Variants in FOXL2NB observed in about 807,000 individuals in gnomAD.
FOXL2NB encodes the protein FOXL2 neighbor.
Under a neutral mutation model 7.4 loss-of-function variants are expected in FOXL2NB, and 10 were observed. The observed-to-expected ratio is 1.34, with a 90% CI of 0.83 to 2.28. The LOEUF is 2.28. Among genes scored for constraint, FOXL2NB ranks in the 30% most tolerant of loss-of-function variants. The probability of loss-of-function intolerance (pLI) is 0.00; values close to 1 mark genes in which losing one functional copy is unlikely to be tolerated. For missense variants in FOXL2NB, 228 were observed against 233.9 expected, an observed-to-expected ratio of 0.97 and a Z score of 0.17; for synonymous variants, 104 against 105.3, an observed-to-expected ratio of 0.99 and a Z score of 0.08.
In FOXL2NB at chr3:138,952,676, G is replaced by A. The variant is rs1270990110; in HGVS notation, c.*2104G>A. 2 of 136,828 alleles carry A rather than the reference G, an allele frequency of 1.5e-5. No homozygotes were observed. The highest frequency in any genetic ancestry group is 3.3e-5 in the African/African-American group (1 of 30,390). 8.5% of individuals were successfully genotyped at this position (136,828 alleles called of 1,614,324 possible). A position where few individuals can be genotyped will look rare whatever the true frequency, so the allele number is the denominator to read the frequency against. On this transcript the variant is annotated 3_prime_UTR_variant, in exon 3 of 3. Transcript: ENST00000383165. ...CTATGGGTGTGAGCCAACACACTCAGCTAATTTTTTTTTTTTTTTTTTGGT... is the reference window on the plus strand; with the variant it reads ...CTATGGGTGTGAGCCAACACACTCAACTAATTTTTTTTTTTTTTTTTTGGT...
intron 2 of FOXL2NB, 176 bp from the exon 3 acceptor site, chr3:138,950,089 C>T: frequency 1.3e-6 from 1 of 750,394 alleles, no homozygotes; most frequent in Non-Finnish European, 2.3e-6. Context: ...CAGCCACCGG[C>T]GCCTCCTGAC....
Position 138,949,416 on chromosome 3 carries a change from G to C in FOXL2NB, c.101-104G>C. The C allele has an allele frequency of 8.0e-7, 1 of 1,246,510 alleles. No homozygotes were observed. Among genetic ancestry groups the C allele is most frequent in the Non-Finnish European group, 1.1e-6 (1 of 884,668 alleles). The allele number at this position is 1,246,510 out of a possible 1,614,324, so 77.2% of individuals were successfully genotyped here. A position where few individuals can be genotyped will look rare whatever the true frequency, so the allele number is the denominator to read the frequency against. On this transcript the variant is annotated intron_variant, in intron 1 of 2. Transcript: ENST00000383165. This position sits in a 1 kb window ranked among gnomAD's most constrained non-coding sequence, Gnocchi z 4.5. ...CGTGTGTGTGTGTGTGTGTGTGTGTGTAGGGGTTGGGGGCAAATGAAGGAG... is the reference window on the plus strand; with the variant it reads ...CGTGTGTGTGTGTGTGTGTGTGTGTCTAGGGGTTGGGGGCAAATGAAGGAG...
In FOXL2NB at chr3:138,950,519, G is replaced by C. The variant is rs1350108441; in HGVS notation, c.475G>C (p.Gly159Arg). The C allele has an allele frequency of 1.9e-6, 3 of 1,614,194 alleles. No homozygotes were observed. The African/African-American group carries it at 4.0e-5, about 22-fold the overall frequency. ...GCTTGCTGCAACCCTCTGCTTGGAG[G>C]GATGGCCTCTGCGGTGCTTGGCTAG... ...IELAATLCLE[G>R]WPLRCLASKG... The change falls in exon 3 of 3, where the codon GGA (glycine) becomes CGA (arginine). Residue 159 changes from glycine to arginine, a missense_variant. By Grantham distance (125) the Gly-to-Arg change is moderately radical (BLOSUM62 -2). Coordinates refer to ENST00000383165, the MANE Select transcript of FOXL2NB (RefSeq NM_001040061.3).
chr3:138,949,987 C>T lies in FOXL2NB; in HGVS notation c.221-278C>T, dbSNP rs747809097. 1.7e-5 allele frequency: 12 copies of T among 698,436 alleles called. No homozygotes were observed. Among genetic ancestry groups the T allele is most frequent in the Non-Finnish European group, 2.3e-5 (9 of 383,930 alleles). The allele number at this position is 698,436 out of a possible 1,614,324, so 43.3% of individuals were successfully genotyped here. On this transcript the variant is annotated intron_variant, in intron 2 of 2. Coordinates refer to ENST00000383165, the MANE Select transcript of FOXL2NB (RefSeq NM_001040061.3). The surrounding 1 kb of genome is among the most constrained non-coding windows in gnomAD (Gnocchi z 4.5). ...GGCCCCCGGCTTAGTGACCTTGGGG[C>T]GGCGCTCACCTCCAAAGGCCAGGGT... is the stretch of plus-strand genomic sequence containing the variant.
chr3:138,949,429 G>A lies in FOXL2NB; in HGVS notation c.101-91G>A. 1 of 1,434,510 alleles carries A rather than the reference G, an allele frequency of 7.0e-7. No homozygotes were observed. Among genetic ancestry groups the A allele is most frequent in the Non-Finnish European group, 9.5e-7 (1 of 1,051,570 alleles). The allele number at this position is 1,434,510 out of a possible 1,614,324, so 88.9% of individuals were successfully genotyped here. ...GTGTGTGTGTGTGTAGGGGTTGGGG[G>A]CAAATGAAGGAGTTCCTCTGAAGGA... On this transcript the variant is annotated intron_variant, in intron 1 of 2. Transcript: ENST00000383165. The surrounding 1 kb of genome is among the most constrained non-coding windows in gnomAD (Gnocchi z 4.5).
At position 138,953,521 on chromosome 3, in the gene FOXL2NB, C is replaced by A. The variant is rs1936173976; in HGVS notation, c.*2949C>A. Reference sequence around the variant, plus strand: ...TGTATATATATCACATTTTCTTTATCCACTCATTGGTTGATGGGCATTTAG... The same window carrying A: ...TGTATATATATCACATTTTCTTTATACACTCATTGGTTGATGGGCATTTAG... On this transcript the variant is annotated 3_prime_UTR_variant, in exon 3 of 3. Coordinates refer to ENST00000383165, the MANE Select transcript of FOXL2NB (RefSeq NM_001040061.3). 3 of 152,144 alleles carry A rather than the reference C, an allele frequency of 2.0e-5. No individual in the cohort carries two copies. The allele number at this position is 152,144 out of a possible 1,614,324, so 9.4% of individuals were successfully genotyped here.
chr3:138,949,774 C>A lies in FOXL2NB; in HGVS notation c.220+135C>A. 7.4e-7 allele frequency: 1 copy of A among 1,351,102 alleles called. No individual in the cohort carries two copies. Among genetic ancestry groups the A allele is most frequent in the Non-Finnish European group, 1.0e-6 (1 of 963,624 alleles). The allele number at this position is 1,351,102 out of a possible 1,614,324, so 83.7% of individuals were successfully genotyped here. ...AGAACAGAATCCTCTCCTTGCCGGC[C>A]CAGCCAGAGGTGGGTGAACCGGGCG... On this transcript the variant is annotated intron_variant, in intron 2 of 2. Coordinates refer to ENST00000383165, the MANE Select transcript of FOXL2NB (RefSeq NM_001040061.3). This position sits in a 1 kb window ranked among gnomAD's most constrained non-coding sequence, Gnocchi z 4.5.
intron 2 of FOXL2NB, 180 bp from the exon 3 acceptor site, chr3:138,950,085 C>G (rs764030256): frequency 4.0e-6 from 3 of 746,392 alleles, no homozygotes; most frequent in South Asian, 1.5e-5. Flanking sequence ...TCAGCAGCCA[C>G]CGGCGCCTCC....
At chr3:138,948,755 A>T (rs1446088099) in intron 1 of FOXL2NB, among the ~76,000 whole-genome samples, 1 of 152,026 alleles carries the variant, frequency 6.6e-6, no homozygotes, top group Non-Finnish European at 1.5e-5. Context: ...TCTGCTGCTC[A>T]CTCAGGCCTC....
rs768195932 is a variant in FOXL2NB, at chr3:138,949,650, GC to G, written c.220+12del. 6.2e-7 allele frequency: 1 copy of G among 1,614,130 alleles called. No homozygotes were observed. Among genetic ancestry groups the G allele is most frequent in the Non-Finnish European group, 8.5e-7 (1 of 1,180,018 alleles). ...AGGCTCAGAAAACAGGCAAGAAAAT[GC>G]GGGCGGGAAAGCTGGCAGAATGATT... On this transcript the variant is annotated intron_variant, in intron 2 of 2. Coordinates refer to ENST00000383165, the MANE Select transcript of FOXL2NB (RefSeq NM_001040061.3). The surrounding 1 kb of genome is among the most constrained non-coding windows in gnomAD (Gnocchi z 4.5).
In FOXL2NB at chr3:138,947,683, G is replaced by A; in HGVS notation, c.100+219G>A. The A allele has an allele frequency of 1.1e-5, 14 of 1,332,372 alleles. No homozygotes were observed. The highest frequency in any genetic ancestry group is 1.3e-5 in the Non-Finnish European group (14 of 1,044,898). The allele number at this position is 1,332,372 out of a possible 1,614,324, so 82.5% of individuals were successfully genotyped here. On this transcript the variant is annotated intron_variant, in intron 1 of 2. Transcript: ENST00000383165. The surrounding 1 kb of genome is among the most constrained non-coding windows in gnomAD (Gnocchi z 5.2). ...TCGCGCTCTCAGAGTGACTGGGCTG[G>A]AATGGGGCAGGGGAGAGGATCTCTG...
Position 138,947,611 on chromosome 3 carries a change from C to G in FOXL2NB, c.100+147C>G. On this transcript the variant is annotated intron_variant, in intron 1 of 2. Transcript: ENST00000383165. This position sits in a 1 kb window ranked among gnomAD's most constrained non-coding sequence, Gnocchi z 5.2. ...CTCTGAGGCTTTGGGAAAGTCAGCC[C>G]AGAAACGGGTGTGACTGTACGAAGA... The G allele has an allele frequency of 2.1e-6, 3 of 1,415,412 alleles. No homozygotes were observed. The highest frequency in any genetic ancestry group is 2.8e-6 in the Non-Finnish European group (3 of 1,085,502). The allele number at this position is 1,415,412 out of a possible 1,614,324, so 87.7% of individuals were successfully genotyped here. A position where few individuals can be genotyped will look rare whatever the true frequency, so the allele number is the denominator to read the frequency against.
chr3:138,950,678 C>T lies in FOXL2NB; in HGVS notation c.*106C>T, dbSNP rs1936113979. ...ACCTCAGGGACTCGGTGTCCCTCCACTCAGGTCACGTTACTCCATCCACTT... is the reference window on the plus strand; with the variant it reads ...ACCTCAGGGACTCGGTGTCCCTCCATTCAGGTCACGTTACTCCATCCACTT... On this transcript the variant is annotated 3_prime_UTR_variant, in exon 3 of 3. Coordinates refer to ENST00000383165, the MANE Select transcript of FOXL2NB (RefSeq NM_001040061.3). The T allele has an allele frequency of 8.3e-7, 1 of 1,209,612 alleles. No individual in the cohort carries two copies. Among genetic ancestry groups the T allele is most frequent in the South Asian group, 1.3e-5 (1 of 75,742 alleles). The allele number at this position is 1,209,612 out of a possible 1,614,324, so 74.9% of individuals were successfully genotyped here.
intron 1 of FOXL2NB, among the ~76,000 whole-genome samples, chr3:138,948,727 G>GGCCATCT: frequency 6.6e-6 from 1 of 152,286 alleles, no homozygotes; most frequent in East Asian, 1.9e-4. Context: ...AGCATCCACA[G>GGCCATCT]GCCATCTACA....
rs1936082723 is a variant in FOXL2NB at position 138,949,840 on chromosome 3, C to G, written c.220+201C>G. 2 of 754,618 alleles carry G rather than the reference C, an allele frequency of 2.7e-6. No individual in the cohort carries two copies. The highest frequency in any genetic ancestry group is 2.0e-5 in the Admixed American group (1 of 49,972). The allele number at this position is 754,618 out of a possible 1,614,324, so 46.7% of individuals were successfully genotyped here. A position where few individuals can be genotyped will look rare whatever the true frequency, so the allele number is the denominator to read the frequency against. On this transcript the variant is annotated intron_variant, in intron 2 of 2. Coordinates refer to ENST00000383165, the MANE Select transcript of FOXL2NB (RefSeq NM_001040061.3). This position sits in a 1 kb window ranked among gnomAD's most constrained non-coding sequence, Gnocchi z 4.5. ...CGGGGCGCCCTGATTTACTTCTCAA[C>G]CTTCGGAGGTAGGCTGGTTGCTGGC...
rs981067495 is a variant in FOXL2NB, at chr3:138,953,928, T to C, written c.*3356T>C. On this transcript the variant is annotated 3_prime_UTR_variant, in exon 3 of 3. Transcript: ENST00000383165. ...TAGTATTTGCTTATCCATCCATATG[T>C]TGAGGGACATTTGTTTCCAGTTTTT... Among the ~76,000 whole-genome samples, 1 of 152,236 alleles carries C rather than the reference T, an allele frequency of 6.6e-6. No homozygotes were observed. The highest frequency in any genetic ancestry group is 1.5e-5 in the Non-Finnish European group (1 of 68,048).
In FOXL2NB at chr3:138,947,323, C is replaced by G; in HGVS notation, c.-42C>G. 1 of 1,501,894 alleles carries G rather than the reference C, an allele frequency of 6.7e-7. No individual in the cohort carries two copies. The highest frequency in any genetic ancestry group is 9.0e-7 in the Non-Finnish European group (1 of 1,108,052). 93.0% of individuals were successfully genotyped at this position (1,501,894 alleles called of 1,614,324 possible). On this transcript the variant is annotated 5_prime_UTR_variant, in exon 1 of 3. Coordinates refer to ENST00000383165, the MANE Select transcript of FOXL2NB (RefSeq NM_001040061.3). This position sits in a 1 kb window ranked among gnomAD's most constrained non-coding sequence, Gnocchi z 5.2. Reference sequence around the variant, plus strand: ...CAGCCGACAGCCAGGCTCACGCGCCCTTGAAATCTGCCGGTACTCGCTCTG... The same window carrying G: ...CAGCCGACAGCCAGGCTCACGCGCCGTTGAAATCTGCCGGTACTCGCTCTG...
chr3:138,950,742 A>G lies in FOXL2NB; in HGVS notation c.*170A>G, dbSNP rs886410041. 1 of 662,822 alleles carries G rather than the reference A, an allele frequency of 1.5e-6. No homozygotes were observed. Among genetic ancestry groups the G allele is most frequent in the Non-Finnish European group, 2.6e-6 (1 of 391,400 alleles). 41.1% of individuals were successfully genotyped at this position (662,822 alleles called of 1,614,324 possible). ...CCTCTGTCAACTCCAAATCCCCTCT[A>G]GTTCTCCCTCCCCTCCTACTTCTCT... is the stretch of plus-strand genomic sequence containing the variant. On this transcript the variant is annotated 3_prime_UTR_variant, in exon 3 of 3. Coordinates refer to ENST00000383165, the MANE Select transcript of FOXL2NB (RefSeq NM_001040061.3).
chr3:138,951,907 G>A lies in FOXL2NB; in HGVS notation c.*1335G>A, dbSNP rs1219548632. ...ATAGAATTAGAAAATGGTTCTGCTG[G>A]ACAGAATTGGGAAATGCCACTTTCC... On this transcript the variant is annotated 3_prime_UTR_variant, in exon 3 of 3. Coordinates refer to ENST00000383165, the MANE Select transcript of FOXL2NB (RefSeq NM_001040061.3). The A allele has an allele frequency of 6.6e-6, 1 of 152,222 alleles. No homozygotes were observed. Among genetic ancestry groups the A allele is most frequent in the African/African-American group, 2.4e-5 (1 of 41,448 alleles). The allele number at this position is 152,222 out of a possible 1,614,324, so 9.4% of individuals were successfully genotyped here. A position where few individuals can be genotyped will look rare whatever the true frequency, so the allele number is the denominator to read the frequency against.
Sources: allele counts gnomAD v4.1 joint callset (sites outside exome capture counted in the v4.1 genomes callset), GRCh38; gene constraint gnomAD v4.1.1; non-coding constraint Gnocchi (gnomAD v3.1); transcripts MANE v1.5; gene names NCBI Gene and HGNC (gene_info 2026-07-23, HGNC 2026-07-21).